Variants in PIK3R2 observed in about 807,000 individuals in gnomAD.
PIK3R2 encodes phosphoinositide-3-kinase regulatory subunit 2.
PIK3R2 carries 40 observed loss-of-function variants against 78.5 expected under a neutral mutation model. That is an observed-to-expected ratio of 0.51 (90% CI 0.40 to 0.66). PIK3R2 has a LOEUF of 0.66. Ranked by LOEUF, PIK3R2 falls within the 30% of genes least tolerant of loss-of-function variation. The pLI is 0.00. For synonymous variants in PIK3R2, 473 were observed against 457.7 expected, an observed-to-expected ratio of 1.03 and a Z score of -0.43; for missense variants, 880 against 1,026.6, an observed-to-expected ratio of 0.86 and a Z score of 1.95.
At position 18,166,237 on chromosome 19, in the gene PIK3R2, A is replaced by G; in HGVS notation, c.1494A>G (p.Gln498=). Residue 498 remains glutamine (Q), a synonymous_variant, in exon 12 of 16, where the codon CAA becomes CAG. Transcript: ENST00000222254. ...IKIFEEQGQT[Q]EKCSKEYLER... is the part of the protein sequence containing the mutation. ...TCTTTGAAGAGCAGGGCCAGACTCA[A>G]GAGAAATGCAGCAAGGAATACCTGG... 6.2e-7 allele frequency: 1 copy of G among 1,614,158 alleles called. No individual in the cohort carries two copies.
Position 18,169,201 on chromosome 19 carries a change from C to T in PIK3R2, c.2094C>T (p.His698=), listed in dbSNP as rs1347943635. ...SLKELVLHYQ[H]ASLVQHNDAL... is the part of the protein sequence containing the mutation. ...AGGAGCTGGTGCTGCACTACCAGCA[C>T]GCCTCGCTGGTGCAGCACAACGACG... Residue 698 remains histidine (H), a synonymous_variant, in exon 16 of 16, where the codon CAC becomes CAT. Coordinates refer to ENST00000222254, the MANE Select transcript of PIK3R2 (RefSeq NM_005027.4). The T allele has an allele frequency of 4.4e-6, 7 of 1,607,066 alleles. No homozygotes were observed. In the South Asian group the frequency reaches 5.5e-5, roughly 13 times the overall value.
chr19:18,154,235 C>T (rs2043653829), intron 1 of PIK3R2, among the ~76,000 whole-genome samples: 1 of 152,108 alleles, frequency 6.6e-6, no homozygotes, highest in Non-Finnish European at 1.5e-5. Flanking sequence ...CAGGGCTAGG[C>T]TGGGAATGTG....
chr19:18,157,909 G>A (rs1453161577), intron 2 of PIK3R2, among the ~76,000 whole-genome samples: 2 of 152,168 alleles, frequency 1.3e-5, no homozygotes, highest in Admixed American at 1.3e-4. Context: ...GCGAGCTGCT[G>A]AGGCGGGGAT....
chr19:18,160,018 C>A (rs997190975), intron 2 of PIK3R2, among the ~76,000 whole-genome samples: 2 of 152,148 alleles, frequency 1.3e-5, no homozygotes, highest in African/African-American at 4.8e-5. Flanking sequence ...GGATTCCAGG[C>A]TTGAGCCGCC....
rs1199359063 is a variant in PIK3R2, at chr19:18,168,203, G to A, written c.1737-272G>A. On this transcript the variant is annotated intron_variant, in intron 13 of 15. Coordinates refer to ENST00000222254, the MANE Select transcript of PIK3R2 (RefSeq NM_005027.4). The surrounding 1 kb of genome is among the most constrained non-coding windows in gnomAD (Gnocchi z 4.1). ...GAGTGAGCCTCTGGTGATGATGAGG[G>A]GCCTGGGCTGGCATCTTCTTGGGGG... 6.6e-6 allele frequency among the ~76,000 whole-genome samples: 1 copy of A among 152,148 alleles called. No homozygotes were observed. Among genetic ancestry groups the A allele is most frequent in the African/African-American group, 2.4e-5 (1 of 41,426 alleles).
Position 18,163,118 on chromosome 19 carries a change from C to T in PIK3R2, c.1261C>T (p.Leu421Phe). The change falls in exon 10 of 16, where the codon CTC (leucine) becomes TTC (phenylalanine). Residue 421 changes from leucine (L) to phenylalanine (F), a missense_variant. Transcript: ENST00000222254. ...AQYNAKLDTR[L>F]LYPVSKYQQD... is the part of the protein sequence containing the mutation. ...GTACAATGCCAAGCTGGACACACGG[C>T]TCCTCTACCCTGTGTCCAAATACCA... The T allele has an allele frequency of 6.2e-7, 1 of 1,614,010 alleles. No homozygotes were observed. Among genetic ancestry groups the T allele is most frequent in the Non-Finnish European group, 8.5e-7 (1 of 1,179,980 alleles).
In PIK3R2 at chr19:18,169,522, T is replaced by C; in HGVS notation, c.*228T>C. 1 of 335,120 alleles carries C rather than the reference T, an allele frequency of 3.0e-6. No homozygotes were observed. Among genetic ancestry groups the C allele is most frequent in the Non-Finnish European group, 5.4e-6 (1 of 183,832 alleles). 20.8% of individuals were successfully genotyped at this position (335,120 alleles called of 1,614,324 possible). A position where few individuals can be genotyped will look rare whatever the true frequency, so the allele number is the denominator to read the frequency against. ...CTTTCTTGGCCCCTGTCTCTCTCCATGTTGGGGGTCCTAACTCCCCCACCC... is the reference window on the plus strand; with the variant it reads ...CTTTCTTGGCCCCTGTCTCTCTCCACGTTGGGGGTCCTAACTCCCCCACCC... On this transcript the variant is annotated 3_prime_UTR_variant, in exon 16 of 16. Coordinates refer to ENST00000222254, the MANE Select transcript of PIK3R2 (RefSeq NM_005027.4).
chr19:18,166,046 T>A (rs4808755), intron 11 of PIK3R2, 114 bp from the exon 12 acceptor site: 1 of 1,335,872 alleles, frequency 7.5e-7, no homozygotes. Flanking sequence ...AATGACACTC[T>A]GATAGAGGGA....
intron 11 of PIK3R2, 109 bp from the exon 12 acceptor site, chr19:18,166,051 G>A (rs557979721): frequency 3.6e-6 from 5 of 1,377,456 alleles, no homozygotes; most frequent in East Asian, 2.3e-5. Context: ...CACTCTGATA[G>A]AGGGACCAGC....
At position 18,163,325 on chromosome 19, in the gene PIK3R2, G is replaced by C. The variant is rs2043772523; in HGVS notation, c.1353G>C (p.Gln451His). The stretch of plus-strand genomic sequence containing the variant: ...GCGCCCAGCTTAAGGTCTATCACCA[G>C]CAGTACCAGGACAAGAGCCGCGAGT... The part of the protein sequence containing the change: ...AVGAQLKVYH[Q>H]QYQDKSREYD... Residue 451 changes from glutamine (Q) to histidine (H), a missense_variant, in exon 11 of 16, where the codon CAG becomes CAC. Coordinates refer to ENST00000222254, the MANE Select transcript of PIK3R2 (RefSeq NM_005027.4). 6.2e-7 allele frequency: 1 copy of C among 1,613,976 alleles called. No homozygotes were observed. Among genetic ancestry groups the C allele is most frequent in the African/African-American group, 1.3e-5 (1 of 74,918 alleles).
At position 18,168,733 on chromosome 19, in the gene PIK3R2, G is replaced by A. The variant is rs369303652; in HGVS notation, c.1816G>A (p.Ala606Thr). 4 of 1,545,178 alleles carry A rather than the reference G, an allele frequency of 2.6e-6. No individual in the cohort carries two copies. Among genetic ancestry groups the A allele is most frequent in the Non-Finnish European group, 1.8e-6 (2 of 1,124,666 alleles). ...CACCGCCCCCCACCCCAGCCAGTAC[G>A]CACTCATGGAGGACGAGGACGATCT... ...GIKNETEDQY[A>T]LMEDEDDLPH... Residue 606 changes from alanine to threonine, a missense_variant, in exon 15 of 16, where the codon GCA becomes ACA. Coordinates refer to ENST00000222254, the MANE Select transcript of PIK3R2 (RefSeq NM_005027.4). This position sits in a 1 kb window ranked among gnomAD's most constrained non-coding sequence, Gnocchi z 4.1.
intron 1 of PIK3R2, among the ~76,000 whole-genome samples, chr19:18,155,224 A>G (rs2043664463): frequency 6.9e-6 from 1 of 144,806 alleles, no homozygotes; most frequent in Non-Finnish European, 1.5e-5. Flanking sequence ...AAACTGATTT[A>G]CTGAGCATGT....
rs1264663607 is a variant in PIK3R2 at position 18,162,517 on chromosome 19, G to C, written c.1109+11G>C. 2.5e-6 allele frequency: 4 copies of C among 1,607,998 alleles called. No individual in the cohort carries two copies. In the Admixed American group the frequency reaches 5.0e-5, roughly 20 times the overall value. Reference sequence around the variant, plus strand: ...CACGCTGACCCTCAGGTGGGGGCCTGTCCCTGCAAGGATAACCGGGGGTCA... The same window carrying C: ...CACGCTGACCCTCAGGTGGGGGCCTCTCCCTGCAAGGATAACCGGGGGTCA... On this transcript the variant is annotated intron_variant, in intron 9 of 15. Transcript: ENST00000222254.
intron 7 of PIK3R2, 36 bp from the exon 8 acceptor site, chr19:18,162,166 C>T (rs753130560): frequency 4.3e-6 from 6 of 1,406,688 alleles, no homozygotes; most frequent in Admixed American, 3.4e-5. Context: ...AGTATACAGT[C>T]GGTGCTCAGG....
At chr19:18,164,017 C>T (rs964359842) in intron 11 of PIK3R2, among the ~76,000 whole-genome samples, 4 of 151,412 alleles carry the variant, frequency 2.6e-5, no homozygotes, top group Admixed American at 6.6e-5. Flanking sequence ...ATCCCAGCTA[C>T]TCAGAGGCTG....
In PIK3R2 at chr19:18,169,782, C is replaced by A. The variant is rs999127223; in HGVS notation, c.*488C>A. On this transcript the variant is annotated 3_prime_UTR_variant, in exon 16 of 16. Coordinates refer to ENST00000222254, the MANE Select transcript of PIK3R2 (RefSeq NM_005027.4). Reference sequence around the variant, plus strand: ...CTCTGCTGCTTCCGAGAACCTCGGCCGTGACATTCGGGGCCGGGCGGGACC... The same window carrying A: ...CTCTGCTGCTTCCGAGAACCTCGGCAGTGACATTCGGGGCCGGGCGGGACC... 4.9e-6 allele frequency: 1 copy of A among 204,998 alleles called. No homozygotes were observed. The highest frequency in any genetic ancestry group is 2.3e-5 in the African/African-American group (1 of 43,696). The allele number at this position is 204,998 out of a possible 1,614,324, so 12.7% of individuals were successfully genotyped here.
chr19:18,157,048 A>C (rs546527653), intron 2 of PIK3R2, among the ~76,000 whole-genome samples: 71 of 152,344 alleles, frequency 4.7e-4, no homozygotes, highest in African/African-American at 1.5e-3. Context: ...AAGGCCGTCA[A>C]ATGCCGTACT....
rs1443129832 is a variant in PIK3R2, at chr19:18,168,747, C to T, written c.1830C>T (p.Asp610=). ...ETEDQYALME[D]EDDLPHHEER... is the part of the protein sequence containing the mutation. ...CCAGCCAGTACGCACTCATGGAGGA[C>T]GAGGACGATCTCCCGCACCACGAGG... The change falls in exon 15 of 16, where the codon GAC becomes GAT. Residue 610 remains aspartate (D), a synonymous_variant. Coordinates refer to ENST00000222254, the MANE Select transcript of PIK3R2 (RefSeq NM_005027.4). This position sits in a 1 kb window ranked among gnomAD's most constrained non-coding sequence, Gnocchi z 4.1. 1.2e-6 allele frequency: 2 copies of T among 1,613,332 alleles called. No individual in the cohort carries two copies. The highest frequency in any genetic ancestry group is 1.1e-5 in the South Asian group (1 of 91,054).
chr19:18,169,366 A>G lies in PIK3R2; in HGVS notation c.*72A>G, dbSNP rs2043846211. 1.0e-5 allele frequency: 9 copies of G among 867,688 alleles called. No homozygotes were observed. Among genetic ancestry groups the G allele is most frequent in the Non-Finnish European group, 1.2e-5 (8 of 653,104 alleles). The allele number at this position is 867,688 out of a possible 1,614,324, so 53.7% of individuals were successfully genotyped here. Reference sequence around the variant, plus strand: ...GCCGGAGGCTGCGGCGGCGGGAGCCACGGACCAGACCAGCCACATCCAGGG... The same window carrying G: ...GCCGGAGGCTGCGGCGGCGGGAGCCGCGGACCAGACCAGCCACATCCAGGG... On this transcript the variant is annotated 3_prime_UTR_variant, in exon 16 of 16. Transcript: ENST00000222254.
Sources: gnomAD v4.1 joint callset for allele counts (sites outside exome capture counted in the v4.1 genomes callset) on GRCh38, gnomAD v4.1.1 for gene constraint, Gnocchi (gnomAD v3.1) non-coding constraint, MANE v1.5 for transcripts, NCBI Gene and HGNC (gene_info 2026-07-23, HGNC 2026-07-21) for gene names.